The following MCTP1 variants were observed in gnomAD, a reference collection of about 807,000 sequenced individuals.
The protein encoded by MCTP1 is multiple C2 and transmembrane domain containing 1, also known as multiple C2 and transmembrane domain-containing protein 1.
Under a neutral mutation model 120.6 loss-of-function variants are expected in MCTP1, and 69 were observed. The ratio of observed to expected loss-of-function variants is 0.57; its 90% confidence interval spans 0.47 to 0.70. The LOEUF is 0.70. MCTP1 is among the 30% of genes least tolerant of loss of function. MCTP1 has a pLI of 0.00. For missense variants in MCTP1, 1,203 were observed against 1,248.8 expected (o/e 0.96, Z 0.55); for synonymous variants, 529 against 493.1 (o/e 1.07, Z -0.96).
intron 2 of MCTP1, among the ~76,000 whole-genome samples, chr5:95,009,930 T>C (rs1835580202): frequency 1.3e-5 from 2 of 152,332 alleles, no homozygotes; most frequent in African/African-American, 4.8e-5. Context: ...CTGAGCCACT[T>C]CAGTGCCCGT....
At chr5:95,033,843 C>T (rs536700188) in intron 1 of MCTP1, among the ~76,000 whole-genome samples, 3 of 152,158 alleles carry the variant, frequency 2.0e-5, no homozygotes, top group African/African-American at 7.2e-5. Flanking sequence ...GCAAAAGGTT[C>T]CTAGACCTGA....
intron 1 of MCTP1, among the ~76,000 whole-genome samples, chr5:95,242,867 A>G (rs1270527090): frequency 6.6e-6 from 1 of 152,216 alleles, no homozygotes; most frequent in Non-Finnish European, 1.5e-5. Context: ...TAAGCTGTGT[A>G]CTTTTAACAT....
chr5:95,196,705 G>A (rs1239581427), intron 1 of MCTP1, among the ~76,000 whole-genome samples: 1 of 152,196 alleles, frequency 6.6e-6, no homozygotes, highest in Non-Finnish European at 1.5e-5. Flanking sequence ...CAGTTTGGTT[G>A]GCATGAGGGC....
intron 18 of MCTP1, among the ~76,000 whole-genome samples, chr5:94,794,679 T>A: frequency 1.3e-5 from 2 of 152,366 alleles, no homozygotes; most frequent in Middle Eastern, 6.8e-3. Context: ...TAGAATTATT[T>A]ACTTTATATA....
chr5:95,155,940 C>G (rs994966399), intron 1 of MCTP1, among the ~76,000 whole-genome samples: 1 of 152,176 alleles, frequency 6.6e-6, no homozygotes, highest in Non-Finnish European at 1.5e-5. Flanking sequence ...CTTCCACTGG[C>G]TTTGAAGACA....
intron 17 of MCTP1, among the ~76,000 whole-genome samples, chr5:94,833,704 C>T (rs866968760): frequency 2.6e-5 from 4 of 152,176 alleles, no homozygotes; most frequent in Middle Eastern, 3.4e-3. Flanking sequence ...TTATTTTTCC[C>T]GTTTCTGTTA....
At chr5:95,098,852 C>T (rs1393184011) in intron 1 of MCTP1, among the ~76,000 whole-genome samples, 1 of 152,050 alleles carries the variant, frequency 6.6e-6, no homozygotes, top group Admixed American at 6.5e-5. Flanking sequence ...GGAGGCATCA[C>T]ACTACCTGAC....
At chr5:94,836,349 T>G (rs1213851393) in intron 17 of MCTP1, among the ~76,000 whole-genome samples, 1 of 152,084 alleles carries the variant, frequency 6.6e-6, no homozygotes, top group Non-Finnish European at 1.5e-5. Context: ...ACTATACAGC[T>G]GGGGGAGAAA....
chr5:94,854,560 C>T (rs1794375062), intron 17 of MCTP1, among the ~76,000 whole-genome samples: 1 of 151,834 alleles, frequency 6.6e-6, no homozygotes, highest in Non-Finnish European at 1.5e-5. Flanking sequence ...AACTATAACA[C>T]TGTAAAAATG....
chr5:94,734,079 T>C (rs1763683710), intron 19 of MCTP1, among the ~76,000 whole-genome samples: 1 of 152,164 alleles, frequency 6.6e-6, no homozygotes. Flanking sequence ...TAGAGTGATA[T>C]TGTAATTAAC....
At chr5:94,925,904 G>A (rs1812971146) in intron 6 of MCTP1, among the ~76,000 whole-genome samples, 1 of 151,896 alleles carries the variant, frequency 6.6e-6, no homozygotes, top group Admixed American at 6.6e-5. Flanking sequence ...TTCTATTTTT[G>A]CCTCTAAAAA....
At chr5:95,084,855 T>C (rs1356165933) in intron 1 of MCTP1, among the ~76,000 whole-genome samples, 1 of 152,164 alleles carries the variant, frequency 6.6e-6, no homozygotes, top group Non-Finnish European at 1.5e-5. Context: ...CCTGCTTTTG[T>C]ATTCCCTTAG....
intron 2 of MCTP1, among the ~76,000 whole-genome samples, chr5:94,958,791 C>A (rs1480601586): frequency 6.6e-6 from 1 of 151,926 alleles, no homozygotes; most frequent in Non-Finnish European, 1.5e-5. Flanking sequence ...GCCTACCAAC[C>A]AAAAAAACCC....
intron 20 of MCTP1, among the ~76,000 whole-genome samples, chr5:94,711,329 G>A (rs909390153): frequency 1.3e-5 from 2 of 152,116 alleles, no homozygotes; most frequent in East Asian, 1.9e-4. Flanking sequence ...TCAACTCTCA[G>A]TATTCCCCAT....
chr5:95,041,311 G>GAAAAAAAAAA (rs58379749), intron 1 of MCTP1, among the ~76,000 whole-genome samples: 3 of 89,810 alleles, frequency 3.3e-5, no homozygotes, highest in Admixed American at 1.2e-4. Flanking sequence ...CCCATGCTCT[G>GAAAAAAAAAA]AAAAAAAAAA....
intron 1 of MCTP1, among the ~76,000 whole-genome samples, chr5:95,181,372 G>C (rs1384011681): frequency 6.6e-6 from 1 of 152,066 alleles, no homozygotes; most frequent in Non-Finnish European, 1.5e-5. Context: ...CTCTTTTGGG[G>C]GATTTGCATT....
intron 18 of MCTP1, among the ~76,000 whole-genome samples, chr5:94,785,493 T>A (rs757240328): frequency 2.0e-5 from 3 of 152,106 alleles, no homozygotes; most frequent in Non-Finnish European, 4.4e-5. Flanking sequence ...GAAAAAAGTA[T>A]ACACCAAAGG....
intron 17 of MCTP1, among the ~76,000 whole-genome samples, chr5:94,818,017 C>A (rs1784849981): frequency 6.6e-6 from 1 of 152,142 alleles, no homozygotes; most frequent in African/African-American, 2.4e-5. Context: ...CAAGGATGGG[C>A]AAATCAGAAC....
chr5:95,142,387 A>G (rs569970201), intron 1 of MCTP1, among the ~76,000 whole-genome samples: 5 of 152,358 alleles, frequency 3.3e-5, no homozygotes, highest in Non-Finnish European at 7.4e-5. Flanking sequence ...CGAGATTATA[A>G]TTAGGAATCA....
Sources: allele counts gnomAD v4.1 joint callset (sites outside exome capture counted in the v4.1 genomes callset), GRCh38; gene constraint gnomAD v4.1.1; transcripts MANE v1.5; gene names NCBI Gene and HGNC (gene_info 2026-07-23, HGNC 2026-07-21).